TRIO: variants seen among roughly 807,000 people sequenced by gnomAD.
TRIO encodes the protein trio Rho guanine nucleotide exchange factor.
TRIO carries 58 observed loss-of-function variants against 351.9 expected under a neutral mutation model. The ratio of observed to expected loss-of-function variants is 0.16; its 90% confidence interval spans 0.13 to 0.21. The LOEUF (loss-of-function observed/expected upper bound fraction) is 0.21. Among genes scored for constraint, TRIO ranks in the 10% least tolerant of loss-of-function variants. The probability of loss-of-function intolerance (pLI) is 1.00; values close to 1 mark genes in which losing one functional copy is unlikely to be tolerated. For missense variants in TRIO, 3,201 were observed against 4,027.8 expected (o/e 0.79, Z 5.56); for synonymous variants, 1,758 against 1,595.7 (o/e 1.10, Z -2.42).
rs73057544 is a variant in TRIO, at chr5:14,217,744, G to A, written c.158-53081G>A. On this transcript the variant is annotated intron_variant, in intron 1 of 56. Coordinates refer to ENST00000344204, the MANE Select transcript of TRIO (RefSeq NM_007118.4). ...GCTGCAGCCCTGTGTGGCTGTCCTG[G>A]CACTTTGTTCCCGGTGTCAGGGCCT... 3.5e-3 allele frequency among the ~76,000 whole-genome samples: 531 copies of A among 152,272 alleles called. 2 individuals are homozygous for A. The highest frequency in any genetic ancestry group is 0.012 in the African/African-American group (498 of 41,562).
rs143821028 is a variant in TRIO, at chr5:14,387,263, G to A, written c.3571-175G>A. The A allele has an allele frequency of 2.3e-3, 1,299 of 566,824 alleles. 2 individuals carry two copies. Among genetic ancestry groups the A allele is most frequent in the Middle Eastern group, 0.01 (29 of 2,792 alleles). 35.1% of individuals were successfully genotyped at this position (566,824 alleles called of 1,614,324 possible). On this transcript the variant is annotated intron_variant, in intron 21 of 56. Transcript: ENST00000344204. ...GTTGTAGCAGAGCTGAGGAGAGATA[G>A]CTGGTCAGGAATCCGGGAGATGGAG...
rs1479463486 is a variant in TRIO at position 14,330,872 on chromosome 5, G to A, written c.1826G>A (p.Arg609His). Residue 609 changes from arginine to histidine, a missense_variant, in exon 10 of 57, where the codon CGT (arginine) becomes CAT (histidine). Coordinates refer to ENST00000344204, the MANE Select transcript of TRIO (RefSeq NM_007118.4). ...CATCGGGCCAGAGCATTGCAGAAAC[G>A]TCATGAAGATTTTGAAGAAGTGGCA... The part of the protein sequence containing the change: ...SLHRARALQK[R>H]HEDFEEVAQN... The A allele has an allele frequency of 6.2e-7, 1 of 1,614,102 alleles. No homozygotes were observed. The highest frequency in any genetic ancestry group is 8.5e-7 in the Non-Finnish European group (1 of 1,179,968).
chr5:14,361,716 G>T (rs1013533243), intron 13 of TRIO, among the ~76,000 whole-genome samples: 5 of 152,244 alleles, frequency 3.3e-5, no homozygotes, highest in Non-Finnish European at 7.3e-5. Context: ...CAGTCCTCCT[G>T]TGGAGAAGGT....
rs1293188793 is a variant in TRIO at position 14,388,160 on chromosome 5, G to A, written c.3881+313G>A. On this transcript the variant is annotated intron_variant, in intron 23 of 56. Coordinates refer to ENST00000344204, the MANE Select transcript of TRIO (RefSeq NM_007118.4). ...TCACGCCTAAAACAAATTTAGTTGT[G>A]TAAAAGTTGCCAGTTAGTAAACTCT... Among the ~76,000 whole-genome samples, 3 of 152,212 alleles carry A rather than the reference G, an allele frequency of 2.0e-5. No homozygotes were observed. In the East Asian group the frequency reaches 5.8e-4, roughly 29 times the overall value.
chr5:14,479,452 A>G lies in TRIO; in HGVS notation c.6243+102A>G, dbSNP rs894833953. On this transcript the variant is annotated intron_variant, in intron 42 of 56. Coordinates refer to ENST00000344204, the MANE Select transcript of TRIO (RefSeq NM_007118.4). Reference sequence around the variant, plus strand: ...GGTTTCCCAGGAGACTAATTTCCAAAGAAAATTAGCCTGAGTGATAAGACT... The same window carrying G: ...GGTTTCCCAGGAGACTAATTTCCAAGGAAAATTAGCCTGAGTGATAAGACT... 2.8e-4 allele frequency: 276 copies of G among 999,990 alleles called. 2 individuals carry two copies. Among genetic ancestry groups the G allele is most frequent in the Middle Eastern group, 6.1e-4 (2 of 3,270 alleles). The allele number at this position is 999,990 out of a possible 1,614,324, so 61.9% of individuals were successfully genotyped here.
At chr5:14,427,691 T>A (rs1177732353) in intron 34 of TRIO, among the ~76,000 whole-genome samples, 1 of 152,030 alleles carries the variant, frequency 6.6e-6, no homozygotes, top group East Asian at 1.9e-4. Flanking sequence ...CACGTCAGGA[T>A]GGAGAGGTCC....
chr5:14,261,251 G>A (rs114974711), intron 1 of TRIO, among the ~76,000 whole-genome samples: 2 of 152,312 alleles, frequency 1.3e-5, no homozygotes, highest in Admixed American at 1.3e-4. Flanking sequence ...CTGTTGTATA[G>A]TGTTTGTTGT....
chr5:14,489,165 T>TAA, intron 48 of TRIO: 1 of 556,020 alleles, frequency 1.8e-6, no homozygotes, highest in South Asian at 2.3e-5. Flanking sequence ...CTCTTTATAT[T>TAA]AAAAAAAAAA....
rs371807506 is a variant in TRIO, at chr5:14,202,007, T to C, written c.157+58125T>C. On this transcript the variant is annotated intron_variant, in intron 1 of 56. Coordinates refer to ENST00000344204, the MANE Select transcript of TRIO (RefSeq NM_007118.4). Reference sequence around the variant, plus strand: ...GGGGGAGGGATAGCATTAGGAGATATACCTAATGTAAATGACGAATTAATG... The same window carrying C: ...GGGGGAGGGATAGCATTAGGAGATACACCTAATGTAAATGACGAATTAATG... Among the ~76,000 whole-genome samples the C allele has an allele frequency of 8.0e-5, 12 of 149,800 alleles. No individual in the cohort carries two copies. In the East Asian group the frequency reaches 1.2e-3, roughly 15 times the overall value.
intron 1 of TRIO, among the ~76,000 whole-genome samples, chr5:14,144,206 C>T (rs2152110952): frequency 6.6e-6 from 1 of 152,292 alleles, no homozygotes; most frequent in African/African-American, 2.4e-5. Flanking sequence ...GGTTGGGGCG[C>T]CGGCTCTTTG....
intron 46 of TRIO, among the ~76,000 whole-genome samples, chr5:14,483,426 G>C (rs1755677854): frequency 6.6e-6 from 1 of 152,228 alleles, no homozygotes; most frequent in South Asian, 2.1e-4. Context: ...TGCAGACCCT[G>C]AGGTCAGAAG....
chr5:14,483,219 C>T (rs912434591), intron 46 of TRIO, among the ~76,000 whole-genome samples: 6 of 152,192 alleles, frequency 3.9e-5, no homozygotes, highest in Admixed American at 6.5e-5. Flanking sequence ...GGATGCCCTC[C>T]CTGCCCTGAT....
intron 1 of TRIO, among the ~76,000 whole-genome samples, chr5:14,151,413 T>C (rs914676881): frequency 6.6e-6 from 1 of 152,082 alleles, no homozygotes; most frequent in Non-Finnish European, 1.5e-5. Context: ...TGTGTGTATG[T>C]ATGTATGTAG....
intron 1 of TRIO, among the ~76,000 whole-genome samples, chr5:14,144,429 G>C (rs918465896): frequency 6.6e-6 from 1 of 152,164 alleles, no homozygotes; most frequent in East Asian, 1.9e-4. Flanking sequence ...TCATCTCCCC[G>C]GCCTTGGTCT....
intron 18 of TRIO, among the ~76,000 whole-genome samples, chr5:14,373,642 C>T (rs915310616): frequency 6.6e-6 from 1 of 152,078 alleles, no homozygotes; most frequent in African/African-American, 2.4e-5. Context: ...TGTCAGTTAC[C>T]ATAATAACAT....
chr5:14,479,396 C>T (rs1214186460), intron 42 of TRIO, 46 bp downstream of exon 42: 3 of 1,512,790 alleles, frequency 2.0e-6, no homozygotes, highest in Middle Eastern at 1.7e-4. Flanking sequence ...ATCTTTTGTT[C>T]CAACTTATTT....
intron 1 of TRIO, among the ~76,000 whole-genome samples, chr5:14,164,201 T>G (rs1377259664): frequency 6.6e-6 from 1 of 152,140 alleles, no homozygotes; most frequent in Non-Finnish European, 1.5e-5. Flanking sequence ...TGCTAGAAAA[T>G]TTTTTATAAA....
At chr5:14,470,226 T>C (rs1754585964) in intron 37 of TRIO, among the ~76,000 whole-genome samples, 1 of 152,234 alleles carries the variant, frequency 6.6e-6, no homozygotes, top group South Asian at 2.1e-4. Flanking sequence ...GTACATGCTT[T>C]GTGTCCTCAA....
intron 34 of TRIO, chr5:14,441,282 G>T (rs1752020285): frequency 6.5e-6 from 1 of 153,554 alleles, no homozygotes; most frequent in Non-Finnish European, 1.5e-5. Flanking sequence ...GGACACGCTG[G>T]ACTCGCTGTC....
Sources: gnomAD v4.1 joint callset for allele counts (sites outside exome capture counted in the v4.1 genomes callset) on GRCh38, gnomAD v4.1.1 for gene constraint, MANE v1.5 for transcripts, NCBI Gene and HGNC (gene_info 2026-07-23, HGNC 2026-07-21) for gene names.